Variants in CACNA2D1 observed in about 807,000 individuals in gnomAD.
CACNA2D1 encodes calcium voltage-gated channel auxiliary subunit alpha2delta 1.
In CACNA2D1, 53 loss-of-function variants were observed where a neutral mutation model predicts 171.5. The ratio of observed to expected loss-of-function variants is 0.31; its 90% CI spans 0.25 to 0.39. The LOEUF (loss-of-function observed/expected upper bound fraction) is 0.39, where lower values mean the gene tolerates loss of function less well. Ranked by LOEUF, CACNA2D1 falls within the 10% of genes least tolerant of loss-of-function variation. CACNA2D1 has a pLI of 1.00. For synonymous variants in CACNA2D1, 442 were observed against 443.1 expected (o/e 1.00, Z 0.03); for missense variants, 903 against 1,299.8 (o/e 0.69, Z 4.69).
intron 16 of CACNA2D1, among the ~76,000 whole-genome samples, chr7:82,007,363 A>C (rs552249715): frequency 4.2e-4 from 64 of 152,276 alleles, no homozygotes; most frequent in Middle Eastern, 6.8e-3. Context: ...TTAATAGCTC[A>C]GATGGATTCT....
rs149328456 is a variant in CACNA2D1, at chr7:82,241,071, G to C, written c.295-70462C>G. On this transcript the variant is annotated intron_variant, in intron 3 of 38. Transcript: ENST00000356860. ...TGAATGGAGAGTATACAAACCTAGG[G>C]ATCTCACTCAGTCCTTAAATCATCT... 9.7e-3 allele frequency among the ~76,000 whole-genome samples: 1,477 copies of C among 152,154 alleles called. 11 individuals are homozygous for C. Among genetic ancestry groups the C allele is most frequent in the Non-Finnish European group, 0.016 (1,107 of 67,988 alleles).
Position 82,032,881 on chromosome 7 carries a change from G to A in CACNA2D1, c.1059C>T (p.Asn353=). ...QLLNYNVSRA[N]CNKIIMLFTD... ...TGAATAGCATAATAATCTTATTGCA[G>A]TTTGCTCTGGAAACATTATACTGTT... The change falls in exon 12 of 39, where the codon AAC becomes AAT. Residue 353 remains asparagine, a synonymous_variant. Transcript: ENST00000356860. The A allele has an allele frequency of 6.3e-7, 1 of 1,593,692 alleles. No individual in the cohort carries two copies. The highest frequency in any genetic ancestry group is 8.6e-7 in the Non-Finnish European group (1 of 1,162,668).
At chr7:82,398,385 A>G (rs1825968147) in intron 1 of CACNA2D1, among the ~76,000 whole-genome samples, 1 of 152,220 alleles carries the variant, frequency 6.6e-6, no homozygotes, top group African/African-American at 2.4e-5. Flanking sequence ...AGAAAAAAGA[A>G]TGAGTTTTAT....
intron 11 of CACNA2D1, among the ~76,000 whole-genome samples, chr7:82,035,143 T>C (rs1367224685): frequency 6.6e-6 from 1 of 152,132 alleles, no homozygotes; most frequent in East Asian, 1.9e-4. Flanking sequence ...GCTGTATTTC[T>C]GTGTGCCAGT....
Position 82,416,221 on chromosome 7 carries a change from T to TAAC in CACNA2D1, c.95+27143_95+27144insGTT, listed in dbSNP as rs752841690. On this transcript the variant is annotated intron_variant, in intron 1 of 38. Coordinates refer to ENST00000356860, the MANE Select transcript of CACNA2D1 (RefSeq NM_000722.4). ...CAGCGCGAGACTCTGTCTCAAAAAATAATAATAATAATAATAATAAAGAAT... is the reference window on the plus strand; with the variant it reads ...CAGCGCGAGACTCTGTCTCAAAAAATAACAATAATAATAATAATAATAAAGAAT... Among the ~76,000 whole-genome samples the TAAC allele has an allele frequency of 4.6e-5, 7 of 151,114 alleles. No homozygotes were observed. The East Asian group carries it at 1.4e-3, about 29-fold the overall frequency.
chr7:82,219,362 AT>A (rs1188103437), intron 3 of CACNA2D1, among the ~76,000 whole-genome samples: 1 of 151,890 alleles, frequency 6.6e-6, no homozygotes, highest in East Asian at 1.9e-4. Flanking sequence ...GTTCTACATA[AT>A]TTTTTTTCAA....
chr7:82,099,419 CTTCTTTTTTTTTTTTTTTTTTTTTT>C lies in CACNA2D1; in HGVS notation c.527-14544_527-14520del, dbSNP rs1439426857. Among the ~76,000 whole-genome samples the C allele has an allele frequency of 9.1e-4, 46 of 50,580 alleles. 3 individuals are homozygous for C. Among genetic ancestry groups the C allele is most frequent in the Middle Eastern group, 0.017 (1 of 60 alleles). The allele number at this position is 50,580 out of a possible 152,430, so 33.2% of individuals were successfully genotyped here. ...CATACTCTAAAACAGGTAGCAATAC[CTTCTTTTTTTTTTTTTTTTTTTTTT>C]TTTTTTTTTTTTTTTTTTTTTTTGA... On this transcript the variant is annotated intron_variant, in intron 6 of 38. Transcript: ENST00000356860.
chr7:82,438,277 A>G (rs1830249886), intron 1 of CACNA2D1, among the ~76,000 whole-genome samples: 1 of 152,116 alleles, frequency 6.6e-6, no homozygotes, highest in Non-Finnish European at 1.5e-5. Context: ...AGGTTTTTCT[A>G]CTCTGTCAAT....
At chr7:82,441,350 G>A (rs1444446755) in intron 1 of CACNA2D1, among the ~76,000 whole-genome samples, 3 of 151,820 alleles carry the variant, frequency 2.0e-5, no homozygotes, top group Non-Finnish European at 4.4e-5. Flanking sequence ...GATTGACTTC[G>A]CTCCACAAAA....
At chr7:82,153,331 T>C (rs1056717627) in intron 4 of CACNA2D1, among the ~76,000 whole-genome samples, 3 of 152,036 alleles carry the variant, frequency 2.0e-5, no homozygotes, top group African/African-American at 7.2e-5. Context: ...AAACTAGTTA[T>C]ATATAAACAA....
chr7:82,324,125 G>A (rs1299811486), intron 3 of CACNA2D1, among the ~76,000 whole-genome samples: 1 of 152,148 alleles, frequency 6.6e-6, no homozygotes, highest in East Asian at 1.9e-4. Flanking sequence ...GGGAGGCTGA[G>A]GTGGGCGGAT....
At chr7:82,103,062 C>T (rs946062491) in intron 6 of CACNA2D1, among the ~76,000 whole-genome samples, 4 of 152,142 alleles carry the variant, frequency 2.6e-5, no homozygotes, top group Non-Finnish European at 5.9e-5. Flanking sequence ...AATCCCAGCA[C>T]TTTGGGAGGC....
At chr7:81,959,206 A>T (rs1793801982) in intron 38 of CACNA2D1, 69 bp downstream of exon 38, 1 of 1,114,650 alleles carries the variant, frequency 9.0e-7, no homozygotes, top group Non-Finnish European at 1.4e-6. Context: ...TGCAATTTGT[A>T]TCCTTGAATT....
rs1032715956 is a variant in CACNA2D1, at chr7:82,311,530, C to CA, written c.294+23604dup. On this transcript the variant is annotated intron_variant, in intron 3 of 38. Transcript: ENST00000356860. ...ACTTTTTACAGTTCTTTTCCACAATCAAAAAAAAATCTTTTTTCTTTCAAG... is the reference window on the plus strand; with the variant it reads ...ACTTTTTACAGTTCTTTTCCACAATCAAAAAAAAAATCTTTTTTCTTTCAAG... 1.8e-3 allele frequency among the ~76,000 whole-genome samples: 266 copies of CA among 151,300 alleles called. 5 individuals carry two copies. The highest frequency in any genetic ancestry group is 5.1e-3 in the African/African-American group (211 of 41,320).
At chr7:82,391,671 C>A (rs913651909) in intron 1 of CACNA2D1, among the ~76,000 whole-genome samples, 1 of 152,072 alleles carries the variant, frequency 6.6e-6, no homozygotes, top group Non-Finnish European at 1.5e-5. Context: ...TGCAGAGGTA[C>A]AATTGATAGT....
At chr7:82,332,549 A>AGAAG (rs1817477133) in intron 3 of CACNA2D1, among the ~76,000 whole-genome samples, 3 of 142,564 alleles carry the variant, frequency 2.1e-5, no homozygotes, top group Non-Finnish European at 4.7e-5. Flanking sequence ...AAAGAAAGAA[A>AGAAG]GAAAGAAAGA....
intron 3 of CACNA2D1, among the ~76,000 whole-genome samples, chr7:82,267,934 T>G (rs1808111503): frequency 6.6e-6 from 1 of 152,078 alleles, no homozygotes; most frequent in African/African-American, 2.4e-5. Context: ...GAGGCACAGC[T>G]TGCAGTGAGC....
At chr7:82,130,554 G>T (rs1387939109) in intron 5 of CACNA2D1, among the ~76,000 whole-genome samples, 1 of 151,932 alleles carries the variant, frequency 6.6e-6, no homozygotes, top group Non-Finnish European at 1.5e-5. Flanking sequence ...TCTAAACTTA[G>T]ATGATTGTAT....
At chr7:82,331,945 T>C (rs1357386257) in intron 3 of CACNA2D1, among the ~76,000 whole-genome samples, 3 of 152,032 alleles carry the variant, frequency 2.0e-5, no homozygotes, top group Non-Finnish European at 4.4e-5. Flanking sequence ...AAACATTTAC[T>C]TAAATAAAAA....
Sources: allele counts gnomAD v4.1 joint callset (sites outside exome capture counted in the v4.1 genomes callset), GRCh38; gene constraint gnomAD v4.1.1; transcripts MANE v1.5; gene names NCBI Gene and HGNC (gene_info 2026-07-23, HGNC 2026-07-21).